CEMIP: variants seen among roughly 807,000 people sequenced by gnomAD.
CEMIP encodes cell migration inducing hyaluronidase 1.
In CEMIP, 105 loss-of-function variants were observed where a neutral mutation model predicts 156.9. That is an observed-to-expected ratio of 0.67 (90% confidence interval 0.57 to 0.79). CEMIP has a LOEUF of 0.79. CEMIP is among the 30% of genes least tolerant of loss of function. The pLI is 0.00. For missense variants in CEMIP, 1,457 were observed against 1,769.4 expected, an observed-to-expected ratio of 0.82 and a Z score of 3.17; for synonymous variants, 676 against 668.4, an observed-to-expected ratio of 1.01 and a Z score of -0.17.
At position 80,782,080 on chromosome 15, in the gene CEMIP, G is replaced by A. The variant is rs138268057; in HGVS notation, c.-176+2466G>A. Among the ~76,000 whole-genome samples, 32 of 152,282 alleles carry A rather than the reference G, an allele frequency of 2.1e-4. No individual in the cohort carries two copies. In the East Asian group the frequency reaches 5.8e-3, roughly 28 times the overall value. On this transcript the variant is annotated intron_variant, in intron 1 of 29. Coordinates refer to ENST00000394685, the MANE Select transcript of CEMIP (RefSeq NM_001293298.2). ...AAGAACTTTTATGTGATAAAAATCG[G>A]TCAACTGTTTTCCCCTACCTACACT...
At position 80,888,585 on chromosome 15, in the gene CEMIP, T is replaced by G; in HGVS notation, c.869-116T>G. Reference sequence around the variant, plus strand: ...TTTTCTTTTATTTACTTAAAAAATATTTTTAAAGAAATGAGTCAATGCCCA... The same window carrying G: ...TTTTCTTTTATTTACTTAAAAAATAGTTTTAAAGAAATGAGTCAATGCCCA... On this transcript the variant is annotated intron_variant, in intron 8 of 29. Coordinates refer to ENST00000394685, the MANE Select transcript of CEMIP (RefSeq NM_001293298.2). The G allele has an allele frequency of 1.1e-5, 8 of 755,828 alleles. No individual in the cohort carries two copies. The South Asian group carries it at 1.2e-4, about 12-fold the overall frequency. 46.8% of individuals were successfully genotyped at this position (755,828 alleles called of 1,614,324 possible). A position where few individuals can be genotyped will look rare whatever the true frequency, so the allele number is the denominator to read the frequency against.
chr15:80,839,545 C>T (rs1897344368), intron 1 of CEMIP, among the ~76,000 whole-genome samples: 2 of 152,170 alleles, frequency 1.3e-5, no homozygotes, highest in Admixed American at 6.5e-5. Context: ...GCCTTCCTCA[C>T]AGCAGAAGGG....
In CEMIP at chr15:80,909,365, A is replaced by AT. The variant is rs1280586690; in HGVS notation, c.1797+59_1797+60insT. ...ATGGGCCATGGATGGTTAGCACTGG[A>AT]GGGGTGTTTGGATGTAGACACTTAA... is the stretch of plus-strand genomic sequence containing the variant. On this transcript the variant is annotated intron_variant, in intron 14 of 29. Coordinates refer to ENST00000394685, the MANE Select transcript of CEMIP (RefSeq NM_001293298.2). The AT allele has an allele frequency of 1.9e-6, 3 of 1,550,574 alleles. No individual in the cohort carries two copies. The African/African-American group carries it at 4.1e-5, about 21-fold the overall frequency.
At chr15:80,851,916 A>G (rs1342956200) in intron 1 of CEMIP, among the ~76,000 whole-genome samples, 2 of 152,130 alleles carry the variant, frequency 1.3e-5, no homozygotes, top group East Asian at 3.8e-4. Context: ...GATGGACTGG[A>G]AGGAGGAGGA....
intron 1 of CEMIP, among the ~76,000 whole-genome samples, chr15:80,867,586 C>T (rs964706459): frequency 1.2e-4 from 19 of 152,208 alleles, no homozygotes; most frequent in African/African-American, 1.9e-4. Context: ...CTGGGGTCCC[C>T]GCACAGCAGC....
At chr15:80,923,442 C>T (rs560435840) in intron 17 of CEMIP, among the ~76,000 whole-genome samples, 102 of 152,074 alleles carry the variant, frequency 6.7e-4, no homozygotes, top group Admixed American at 1.3e-3. Context: ...CTTGGGAAGG[C>T]TTCCATGAGC....
intron 10 of CEMIP, 126 bp downstream of exon 10, chr15:80,889,718 C>A: frequency 1.7e-6 from 2 of 1,170,826 alleles, no homozygotes; most frequent in South Asian, 1.3e-5. Context: ...GTAGGTCAGC[C>A]AAAGAGTACC....
chr15:80,824,228 G>C (rs1319004752), intron 1 of CEMIP, among the ~76,000 whole-genome samples: 1 of 152,200 alleles, frequency 6.6e-6, no homozygotes, highest in East Asian at 1.9e-4. Flanking sequence ...AGGGATGTTT[G>C]CTTTATATTT....
In CEMIP at chr15:80,811,200, G is replaced by T. The variant is rs550640959; in HGVS notation, c.-176+31586G>T. On this transcript the variant is annotated intron_variant, in intron 1 of 29. Transcript: ENST00000394685. ...ATGTCAGGTGGTTTAGGAGCCCAAA[G>T]TCGGGTAGGAAATCTGGAAATGGTG... Among the ~76,000 whole-genome samples, 23 of 152,324 alleles carry T rather than the reference G, an allele frequency of 1.5e-4. No individual in the cohort carries two copies. In the East Asian group the frequency reaches 4.2e-3, roughly 28 times the overall value.
At position 80,881,067 on chromosome 15, in the gene CEMIP, G is replaced by A; in HGVS notation, c.548G>A (p.Ser183Asn). 6.2e-7 allele frequency: 1 copy of A among 1,614,208 alleles called. No homozygotes were observed. The highest frequency in any genetic ancestry group is 8.5e-7 in the Non-Finnish European group (1 of 1,180,044). Residue 183 changes from serine (S) to asparagine (N), a missense_variant, in exon 6 of 30, where the codon AGC becomes AAC. Coordinates refer to ENST00000394685, the MANE Select transcript of CEMIP (RefSeq NM_001293298.2). Reference protein sequence around the residue: ...MAEGGYFFERSWGHRGVIVHV... With the variant: ...MAEGGYFFERNWGHRGVIVHV... ...GAAGGAGGCTATTTTTTTGAAAGGA[G>A]CTGGGGCCACCGTGGAGTTATTGTT...
At chr15:80,826,457 C>G (rs1897041253) in intron 1 of CEMIP, among the ~76,000 whole-genome samples, 1 of 152,128 alleles carries the variant, frequency 6.6e-6, no homozygotes, top group Non-Finnish European at 1.5e-5. Context: ...TTGGTGCTGT[C>G]TTTTGTGGTC....
At chr15:80,856,955 G>A (rs1438254342) in intron 1 of CEMIP, among the ~76,000 whole-genome samples, 10 of 152,286 alleles carry the variant, frequency 6.6e-5, no homozygotes, top group East Asian at 1.9e-4. Flanking sequence ...AGGCCTATGC[G>A]TTAGAACCCC....
intron 1 of CEMIP, among the ~76,000 whole-genome samples, chr15:80,794,625 A>G (rs1003531641): frequency 6.6e-6 from 1 of 152,240 alleles, no homozygotes; most frequent in Middle Eastern, 3.2e-3. Context: ...TATAAAAAGT[A>G]ATGAGATTGT....
At chr15:80,867,206 C>A (rs1363344069) in intron 1 of CEMIP, among the ~76,000 whole-genome samples, 1 of 152,280 alleles carries the variant, frequency 6.6e-6, no homozygotes, top group South Asian at 2.1e-4. Flanking sequence ...CTGCCCCAGA[C>A]CTGCCCTATC....
At chr15:80,792,809 G>T (rs572231785) in intron 1 of CEMIP, among the ~76,000 whole-genome samples, 2 of 152,256 alleles carry the variant, frequency 1.3e-5, no homozygotes, top group South Asian at 2.1e-4. Context: ...TGTCTCCTCG[G>T]TGTGGTGTCT....
chr15:80,855,632 C>A (rs1008896140), intron 1 of CEMIP, among the ~76,000 whole-genome samples: 3 of 152,050 alleles, frequency 2.0e-5, no homozygotes, highest in Admixed American at 6.5e-5. Flanking sequence ...GGGTTCAGCT[C>A]CTGTCTCGGC....
At chr15:80,784,330 C>A (rs1486104050) in intron 1 of CEMIP, among the ~76,000 whole-genome samples, 2 of 152,140 alleles carry the variant, frequency 1.3e-5, no homozygotes, top group Non-Finnish European at 2.9e-5. Flanking sequence ...GGTGTCCATG[C>A]CAGATTGCTG....
At position 80,912,754 on chromosome 15, in the gene CEMIP, G is replaced by A. The variant is rs148134233; in HGVS notation, c.1797+3448G>A. Among the ~76,000 whole-genome samples, 261 of 152,256 alleles carry A rather than the reference G, an allele frequency of 1.7e-3. 2 individuals are homozygous for A. The highest frequency in any genetic ancestry group is 2.9e-3 in the Non-Finnish European group (200 of 68,024). On this transcript the variant is annotated intron_variant, in intron 14 of 29. Transcript: ENST00000394685. ...CACTGGGGCAGAGATTTCCACATTC[G>A]GAGATGCTGCCTTGGGAACTGGATG...
At chr15:80,931,445 T>G (rs1436567245) in intron 21 of CEMIP, among the ~76,000 whole-genome samples, 1 of 152,124 alleles carries the variant, frequency 6.6e-6, no homozygotes, top group African/African-American at 2.4e-5. Context: ...AAACATAATA[T>G]TGGCACGCTC....
Sources: gnomAD v4.1 joint callset for allele counts (sites outside exome capture counted in the v4.1 genomes callset) on GRCh38, gnomAD v4.1.1 for gene constraint, MANE v1.5 for transcripts, NCBI Gene and HGNC (gene_info 2026-07-23, HGNC 2026-07-21) for gene names.